Variants in DIP2B observed in about 807,000 individuals in gnomAD.
DIP2B encodes the protein disco-interacting protein 2 homolog B.
Under a neutral mutation model 198.0 loss-of-function variants are expected in DIP2B, and 76 were observed. That is an observed-to-expected ratio of 0.38 (90% CI 0.32 to 0.46). The LOEUF is 0.46. DIP2B is among the 20% of genes least tolerant of loss of function. The pLI, the probability that DIP2B is intolerant of heterozygous loss-of-function variation, is 0.99. For missense variants in DIP2B, 1,559 were observed against 1,978.4 expected (o/e 0.79, Z 4.02); for synonymous variants, 701 against 739.1 (o/e 0.95, Z 0.84).
At chr12:50,663,280 CCGGGCGTGGTGG>C (rs1195499387) in intron 4 of DIP2B, among the ~76,000 whole-genome samples, 1 of 151,554 alleles carries the variant, frequency 6.6e-6, no homozygotes, top group African/African-American at 2.4e-5. Flanking sequence ...AAAAAATTAG[CCGGGCGTGGTGG>C]CAGCGCCTGA....
At chr12:50,536,233 C>G (rs1382338844) in intron 1 of DIP2B, among the ~76,000 whole-genome samples, 1 of 151,938 alleles carries the variant, frequency 6.6e-6, no homozygotes, top group Non-Finnish European at 1.5e-5. Flanking sequence ...GAGACCATCC[C>G]AGGCAACAAA....
At chr12:50,559,040 C>T (rs1225695380) in intron 1 of DIP2B, among the ~76,000 whole-genome samples, 1 of 152,250 alleles carries the variant, frequency 6.6e-6, no homozygotes, top group East Asian at 1.9e-4. Flanking sequence ...CAGGTGAGGG[C>T]AAGGAGAGCA....
intron 3 of DIP2B, among the ~76,000 whole-genome samples, chr12:50,647,952 A>G (rs1413379223): frequency 6.6e-6 from 1 of 152,098 alleles, no homozygotes; most frequent in African/African-American, 2.4e-5. Context: ...CTAAAAATAC[A>G]AAAATTAGCC....
At chr12:50,561,096 C>T (rs1018548339) in intron 1 of DIP2B, among the ~76,000 whole-genome samples, 1 of 152,128 alleles carries the variant, frequency 6.6e-6, no homozygotes, top group African/African-American at 2.4e-5. Flanking sequence ...AATCACAGGC[C>T]TTTTCTCCTC....
chr12:50,653,620 G>A lies in DIP2B; in HGVS notation c.302-6574G>A, dbSNP rs552910765. Among the ~76,000 whole-genome samples the A allele has an allele frequency of 2.0e-5, 3 of 151,822 alleles. No homozygotes were observed. In the South Asian group the frequency reaches 6.2e-4, roughly 32 times the overall value. ...GCCTCCCAAAGTGCTGAGATTACAGGCATGAGCCTCTGTACCCAGCCCATA... is the reference window on the plus strand; with the variant it reads ...GCCTCCCAAAGTGCTGAGATTACAGACATGAGCCTCTGTACCCAGCCCATA... On this transcript the variant is annotated intron_variant, in intron 3 of 37. Transcript: ENST00000301180.
Position 50,730,676 on chromosome 12 carries a change from C to T in DIP2B, c.3642-693C>T, listed in dbSNP as rs114559924. Reference sequence around the variant, plus strand: ...TACTGGGATTACAGGCGTGAGCCACCGTGCCTGGCCACTTGAATACTATTA... The same window carrying T: ...TACTGGGATTACAGGCGTGAGCCACTGTGCCTGGCCACTTGAATACTATTA... On this transcript the variant is annotated intron_variant, in intron 30 of 37. Coordinates refer to ENST00000301180, the MANE Select transcript of DIP2B (RefSeq NM_173602.3). Among the ~76,000 whole-genome samples the T allele has an allele frequency of 8.8e-3, 1,343 of 152,294 alleles. 11 individuals are homozygous for T. The highest frequency in any genetic ancestry group is 0.03 in the African/African-American group (1,252 of 41,556).
At chr12:50,583,887 T>G (rs1313007074) in intron 1 of DIP2B, among the ~76,000 whole-genome samples, 1 of 152,196 alleles carries the variant, frequency 6.6e-6, no homozygotes, top group Admixed American at 6.6e-5. Context: ...TTCCAGTTTC[T>G]TTAGACCACT....
chr12:50,508,108 C>G (rs188179827), intron 1 of DIP2B, among the ~76,000 whole-genome samples: 7 of 152,164 alleles, frequency 4.6e-5, no homozygotes, highest in African/African-American at 1.7e-4. Flanking sequence ...GTTGCAGAGC[C>G]CTGTGATGTG....
At chr12:50,666,261 A>AGT (rs1395878022) in intron 4 of DIP2B, among the ~76,000 whole-genome samples, 1 of 152,228 alleles carries the variant, frequency 6.6e-6, no homozygotes, top group Non-Finnish European at 1.5e-5. Context: ...GCATGCCCTC[A>AGT]GTGTACCAGT....
At chr12:50,600,002 A>G (rs1180454621) in intron 1 of DIP2B, among the ~76,000 whole-genome samples, 1 of 152,266 alleles carries the variant, frequency 6.6e-6, no homozygotes, top group Non-Finnish European at 1.5e-5. Context: ...GAGCAGGGAA[A>G]AAAAATTGAA....
chr12:50,639,543 G>A (rs751635463), intron 2 of DIP2B, among the ~76,000 whole-genome samples: 4 of 151,400 alleles, frequency 2.6e-5, no homozygotes, highest in Non-Finnish European at 4.4e-5. Context: ...AGTCTTTACT[G>A]GGCTGTGTGG....
intron 2 of DIP2B, among the ~76,000 whole-genome samples, chr12:50,639,934 G>C (rs1417490247): frequency 1.3e-5 from 2 of 152,152 alleles, no homozygotes; most frequent in African/African-American, 4.8e-5. Flanking sequence ...CATATAGGGA[G>C]CAGGAAATGA....
chr12:50,725,007 G>C (rs749753314), intron 28 of DIP2B, 121 bp downstream of exon 28: 9 of 939,224 alleles, frequency 9.6e-6, no homozygotes, highest in Non-Finnish European at 1.5e-5. Context: ...CTAAGACAGA[G>C]GCAAAACCTA....
At chr12:50,602,489 T>C in intron 1 of DIP2B, among the ~76,000 whole-genome samples, 1 of 152,084 alleles carries the variant, frequency 6.6e-6, no homozygotes, top group East Asian at 1.9e-4. Flanking sequence ...ACTCCTGAGC[T>C]CAAGTGATCC....
chr12:50,688,417 T>C (rs1939167693), intron 12 of DIP2B, among the ~76,000 whole-genome samples: 1 of 152,078 alleles, frequency 6.6e-6, no homozygotes, highest in Non-Finnish European at 1.5e-5. Context: ...TTTGGGAGGC[T>C]GAGGGAGCTG....
chr12:50,732,240 G>T, intron 31 of DIP2B, 126 bp from the exon 32 acceptor site: 1 of 1,001,648 alleles, frequency 1.0e-6, no homozygotes, highest in Non-Finnish European at 1.4e-6. Context: ...TTTTTTCTCT[G>T]TGTGCCTGAG....
At chr12:50,683,402 A>G (rs1185265703) in intron 10 of DIP2B, among the ~76,000 whole-genome samples, 154 bp downstream of exon 10, 1 of 152,250 alleles carries the variant, frequency 6.6e-6, no homozygotes, top group Non-Finnish European at 1.5e-5. Flanking sequence ...TAGAAAAATT[A>G]TTTATTAAAT....
chr12:50,700,624 G>A (rs1054876478), intron 19 of DIP2B, among the ~76,000 whole-genome samples: 1 of 152,140 alleles, frequency 6.6e-6, no homozygotes, highest in Non-Finnish European at 1.5e-5. Context: ...GAGCTCCTGG[G>A]CTGAACCTTA....
At chr12:50,710,536 G>T (rs1260639903) in intron 22 of DIP2B, among the ~76,000 whole-genome samples, 5 of 151,890 alleles carry the variant, frequency 3.3e-5, no homozygotes, top group Admixed American at 2.6e-4. Context: ...CGATTCTCCT[G>T]TCTCAGACTC....
Sources: allele counts gnomAD v4.1 joint callset (sites outside exome capture counted in the v4.1 genomes callset), GRCh38; gene constraint gnomAD v4.1.1; transcripts MANE v1.5; gene names NCBI Gene and HGNC (gene_info 2026-07-23, HGNC 2026-07-21).